The following TBC1D7 variants were observed in gnomAD, a reference collection of about 807,000 sequenced individuals.
TBC1D7 encodes the protein TBC1 domain family member 7.
Under a neutral mutation model 35.3 loss-of-function variants are expected in TBC1D7, and 33 were observed. The observed-to-expected ratio is 0.93, with a 90% confidence interval of 0.71 to 1.25. The LOEUF (loss-of-function observed/expected upper bound fraction) is 1.25. Among genes scored for constraint, TBC1D7 ranks in the 50% most tolerant of loss-of-function variants. The pLI, the probability that TBC1D7 is intolerant of heterozygous loss-of-function variation, is 0.00. For synonymous variants in TBC1D7, 135 were observed against 129.5 expected, an observed-to-expected ratio of 1.04 and a Z score of -0.29; for missense variants, 362 against 365.3, an observed-to-expected ratio of 0.99 and a Z score of 0.07.
intron 4 of TBC1D7, chr6:13,318,839 T>C (rs1209210376): frequency 6.6e-6 from 1 of 152,222 alleles, no homozygotes; most frequent in African/African-American, 2.4e-5. Context: ...TAGATCACCA[T>C]TTGGCAATCA....
chr6:13,307,084 A>C (rs1192441232), intron 6 of TBC1D7: 1 of 154,526 alleles, frequency 6.5e-6, no homozygotes, highest in Non-Finnish European at 1.4e-5. Context: ...ACACTTAGTT[A>C]CATATTATCT....
chr6:13,327,501 A>G (rs536292305), intron 1 of TBC1D7, among the ~76,000 whole-genome samples: 13 of 152,214 alleles, frequency 8.5e-5, no homozygotes, highest in Non-Finnish European at 1.9e-4. Flanking sequence ...GTAAAAAGCC[A>G]CGAGTTCCTC....
chr6:13,312,058 A>T (rs1007009548), intron 5 of TBC1D7, among the ~76,000 whole-genome samples: 5 of 152,122 alleles, frequency 3.3e-5, no homozygotes, highest in Non-Finnish European at 7.3e-5. Context: ...TGACAAATAC[A>T]CCATGTAAGT....
intron 5 of TBC1D7, among the ~76,000 whole-genome samples, chr6:13,313,686 A>AT (rs1451305993): frequency 6.6e-6 from 1 of 152,188 alleles, no homozygotes. Flanking sequence ...GTGGTTCTAA[A>AT]TGAGTGCCTT....
intron 7 of TBC1D7, chr6:13,305,534 C>T: frequency 6.1e-6 from 2 of 329,498 alleles, no homozygotes; most frequent in South Asian, 2.8e-5. Context: ...ATACTTAGCA[C>T]AGGCTTCGCA....
intron 4 of TBC1D7, 115 bp from the exon 5 acceptor site, chr6:13,316,823 T>C: frequency 7.9e-7 from 1 of 1,271,456 alleles, no homozygotes. Context: ...CATTAATAAA[T>C]CAAAGTAGGA....
At chr6:13,323,497 G>A (rs1158967794) in intron 3 of TBC1D7, among the ~76,000 whole-genome samples, 1 of 152,156 alleles carries the variant, frequency 6.6e-6, no homozygotes, top group Non-Finnish European at 1.5e-5. Flanking sequence ...TAGACACACA[G>A]CACCTCCCAT....
At position 13,315,844 on chromosome 6, in the gene TBC1D7, A is replaced by G. The variant is rs1783568968; in HGVS notation, c.519+727T>C. Among the ~76,000 whole-genome samples, 3 of 152,366 alleles carry G rather than the reference A, an allele frequency of 2.0e-5. No individual in the cohort carries two copies. In the South Asian group the frequency reaches 6.2e-4, roughly 32 times the overall value. Reference sequence around the variant, plus strand: ...AGGTTTTGGGGGAGTCAAAAGTTATATGCAGAGTATCAACTATGCTGGGGT... The same window carrying G: ...AGGTTTTGGGGGAGTCAAAAGTTATGTGCAGAGTATCAACTATGCTGGGGT... On this transcript the variant is annotated intron_variant, in intron 5 of 7. Coordinates refer to ENST00000379300, the MANE Select transcript of TBC1D7 (RefSeq NM_016495.6).
At chr6:13,316,332 C>A (rs968791647) in intron 5 of TBC1D7, among the ~76,000 whole-genome samples, 1 of 152,172 alleles carries the variant, frequency 6.6e-6, no homozygotes, top group African/African-American at 2.4e-5. Context: ...TTATTTTATG[C>A]GTTGCCTAAG....
intron 5 of TBC1D7, among the ~76,000 whole-genome samples, chr6:13,308,113 T>C (rs890127025): frequency 1.3e-5 from 2 of 152,184 alleles, no homozygotes; most frequent in African/African-American, 4.8e-5. Flanking sequence ...AGGCCCATTA[T>C]ATTACTGGCT....
At chr6:13,320,153 A>AT (rs1783925382) in intron 4 of TBC1D7, 1 of 152,428 alleles carries the variant, frequency 6.6e-6, no homozygotes, top group South Asian at 2.1e-4. Context: ...GGCATGAAAG[A>AT]TAAAAAAAGA....
At position 13,314,772 on chromosome 6, in the gene TBC1D7, C is replaced by G. The variant is rs1157362283; in HGVS notation, c.519+1799G>C. Among the ~76,000 whole-genome samples the G allele has an allele frequency of 5.3e-5, 8 of 152,270 alleles. No homozygotes were observed. In the South Asian group the frequency reaches 1.5e-3, roughly 28 times the overall value. On this transcript the variant is annotated intron_variant, in intron 5 of 7. Coordinates refer to ENST00000379300, the MANE Select transcript of TBC1D7 (RefSeq NM_016495.6). The stretch of plus-strand genomic sequence containing the variant: ...GCTCATCCAACCATCATCAGTGCCC[C>G]GCATCTCATCTTGCACCCTGTACCA...
At chr6:13,311,749 A>G (rs1316821300) in intron 5 of TBC1D7, among the ~76,000 whole-genome samples, 1 of 152,176 alleles carries the variant, frequency 6.6e-6, no homozygotes, top group Admixed American at 6.5e-5. Context: ...TCTAAAATTC[A>G]TTTCTGAAAA....
chr6:13,326,040 T>C (rs867365360), intron 2 of TBC1D7, among the ~76,000 whole-genome samples: 1 of 152,246 alleles, frequency 6.6e-6, no homozygotes, highest in Non-Finnish European at 1.5e-5. Context: ...ACTTTAAAAG[T>C]ACTCTATGCA....
In TBC1D7 at chr6:13,316,567, T is replaced by G. The variant is rs773639440; in HGVS notation, c.519+4A>C. 13 of 1,573,514 alleles carry G rather than the reference T, an allele frequency of 8.3e-6. No homozygotes were observed. Among genetic ancestry groups the G allele is most frequent in the South Asian group, 1.2e-5 (1 of 84,880 alleles). On this transcript the variant is annotated splice_donor_region_variant and intron_variant, in intron 5 of 7. Coordinates refer to ENST00000379300, the MANE Select transcript of TBC1D7 (RefSeq NM_016495.6). The stretch of plus-strand genomic sequence containing the variant: ...AATAGCCAAAAAAAAAAAAAAGCCC[T>G]CACCAACTGGGGCAAGGAATCCCGG...
chr6:13,311,186 T>C (rs369262293), intron 5 of TBC1D7, among the ~76,000 whole-genome samples: 1 of 152,170 alleles, frequency 6.6e-6, no homozygotes. Context: ...ACTGTGTCAA[T>C]AGCAATAAAA....
chr6:13,313,847 C>T (rs1783404177), intron 5 of TBC1D7, among the ~76,000 whole-genome samples: 1 of 152,078 alleles, frequency 6.6e-6, no homozygotes, highest in African/African-American at 2.4e-5. Flanking sequence ...AACAGGAAGT[C>T]AGGACTGAAA....
rs755121337 is a variant in TBC1D7 at position 13,326,863 on chromosome 6, T to C, written c.36A>G (p.Val12=). The change falls in exon 2 of 8, where the codon GTA becomes GTG. Residue 12 remains valine (V), a synonymous_variant. Transcript: ENST00000379300. ...TEDSQRNFRS[V]YYEKVGFRGV... Reference sequence around the variant, plus strand: ...CACGAAACCCCACTTTCTCATAATATACTGAACGAAAGTTTCTCTGAGAGT... The same window carrying C: ...CACGAAACCCCACTTTCTCATAATACACTGAACGAAAGTTTCTCTGAGAGT... The C allele has an allele frequency of 1.9e-6, 3 of 1,612,292 alleles. No homozygotes were observed. The highest frequency in any genetic ancestry group is 1.7e-5 in the Admixed American group (1 of 59,714).
intron 4 of TBC1D7, 131 bp from the exon 5 acceptor site, chr6:13,316,839 A>G: frequency 9.0e-7 from 1 of 1,109,924 alleles, no homozygotes; most frequent in East Asian, 2.4e-5. Context: ...TAGGATCAAA[A>G]AGCACAGAGT....
Sources: allele counts gnomAD v4.1 joint callset (sites outside exome capture counted in the v4.1 genomes callset), GRCh38; gene constraint gnomAD v4.1.1; transcripts MANE v1.5; gene names NCBI Gene and HGNC (gene_info 2026-07-23, HGNC 2026-07-21).